GHR: variants seen among roughly 807,000 people sequenced by gnomAD.
The protein encoded by GHR is GH receptor.
Under a neutral mutation model 67.1 loss-of-function variants are expected in GHR, and 35 were observed. That is an observed-to-expected ratio of 0.52 (90% CI 0.40 to 0.69). GHR has a LOEUF of 0.69. Among genes scored for constraint, GHR ranks in the 30% least tolerant of loss-of-function variants. The pLI is 0.00. For synonymous variants in GHR, 272 were observed against 269.1 expected, an observed-to-expected ratio of 1.01 and a Z score of -0.10; for missense variants, 792 against 764.6, an observed-to-expected ratio of 1.04 and a Z score of -0.42.
chr5:42,603,022 T>G (rs2112640504), intron 2 of GHR, among the ~76,000 whole-genome samples: 1 of 152,318 alleles, frequency 6.6e-6, no homozygotes, highest in South Asian at 2.1e-4. Flanking sequence ...TTGGCATTTC[T>G]TATAAGGCAA....
intron 3 of GHR, among the ~76,000 whole-genome samples, chr5:42,632,336 C>T (rs1753967586): frequency 6.6e-6 from 1 of 152,180 alleles, no homozygotes; most frequent in Non-Finnish European, 1.5e-5. Flanking sequence ...TACTCATGGC[C>T]TGAAGCAATC....
At chr5:42,484,605 T>G (rs559080904) in intron 1 of GHR, among the ~76,000 whole-genome samples, 3 of 152,332 alleles carry the variant, frequency 2.0e-5, no homozygotes, top group African/African-American at 7.2e-5. Flanking sequence ...AGCCCAGAAC[T>G]GTTTTTAAAT....
intron 8 of GHR, among the ~76,000 whole-genome samples, chr5:42,716,221 GT>G (rs1270658823): frequency 8.6e-5 from 13 of 151,938 alleles, no homozygotes; most frequent in African/African-American, 2.9e-4. Flanking sequence ...AAGAACCTGG[GT>G]TTTGATTTGG....
chr5:42,518,587 C>T (rs1210612568), intron 1 of GHR, among the ~76,000 whole-genome samples: 3 of 152,202 alleles, frequency 2.0e-5, no homozygotes, highest in Non-Finnish European at 4.4e-5. Flanking sequence ...ATGACCAAAG[C>T]AGAGTGCCCA....
chr5:42,433,732 A>ATTTTTTTTTTTT (rs35539827), intron 1 of GHR, among the ~76,000 whole-genome samples: 6 of 77,604 alleles, frequency 7.7e-5, no homozygotes, highest in East Asian at 3.6e-4. Flanking sequence ...AAGATATGGT[A>ATTTTTTTTTTTT]TTTTTTTTTT....
intron 3 of GHR, among the ~76,000 whole-genome samples, chr5:42,660,210 C>T (rs1755510204): frequency 6.6e-6 from 1 of 152,186 alleles, no homozygotes. Flanking sequence ...ACAGCAGTAA[C>T]CTCTGCAGAC....
At chr5:42,565,345 T>C (rs1484915979) in intron 1 of GHR, 5 of 487,370 alleles carry the variant, frequency 1.0e-5, no homozygotes, top group Non-Finnish European at 1.3e-5. Context: ...TAGTTAAACC[T>C]CTTTAGGATG....
At chr5:42,438,929 G>A (rs1743450537) in intron 1 of GHR, among the ~76,000 whole-genome samples, 1 of 152,186 alleles carries the variant, frequency 6.6e-6, no homozygotes, top group Admixed American at 6.5e-5. Context: ...CCAAGTGTTT[G>A]ATTAATTTGT....
chr5:42,468,078 C>T, intron 1 of GHR: 1 of 994,778 alleles, frequency 1.0e-6, no homozygotes, highest in Non-Finnish European at 1.5e-6. Context: ...TTTTCAGCTT[C>T]CTCACGTATC....
intron 1 of GHR, among the ~76,000 whole-genome samples, chr5:42,477,806 G>A (rs1745409779): frequency 1.3e-5 from 2 of 152,036 alleles, no homozygotes; most frequent in Non-Finnish European, 2.9e-5. Context: ...TGAGTACATT[G>A]CAAAAATTTT....
intron 6 of GHR, among the ~76,000 whole-genome samples, chr5:42,705,049 T>C (rs1268082029): frequency 1.3e-5 from 2 of 152,154 alleles, no homozygotes; most frequent in African/African-American, 4.8e-5. Flanking sequence ...GTAGGATTTA[T>C]CCCAGGGATG....
chr5:42,577,457 C>T (rs7736209), intron 2 of GHR, among the ~76,000 whole-genome samples: 49,584 of 151,828 alleles, frequency 0.33, 10,046 homozygotes, highest in African/African-American at 0.56. Context: ...TTCAGTTATG[C>T]GAAACGAAAG....
chr5:42,588,272 C>T (rs575718205), intron 2 of GHR, among the ~76,000 whole-genome samples: 33 of 152,058 alleles, frequency 2.2e-4, no homozygotes, highest in African/African-American at 3.9e-4. Context: ...GTAATCCCAG[C>T]GCTTTAGGAG....
chr5:42,583,468 T>C (rs145786967), intron 2 of GHR, among the ~76,000 whole-genome samples: 2,250 of 152,328 alleles, frequency 0.015, 22 homozygotes, highest in Middle Eastern at 0.037. Flanking sequence ...GTGGAAGTGC[T>C]GACAAGCAGC....
intron 2 of GHR, among the ~76,000 whole-genome samples, chr5:42,614,380 A>C (rs1013032104): frequency 2.6e-5 from 4 of 151,812 alleles, no homozygotes; most frequent in Non-Finnish European, 5.9e-5. Flanking sequence ...CACCTAGAGA[A>C]GTGCTTCTCA....
intron 1 of GHR, among the ~76,000 whole-genome samples, chr5:42,558,048 G>C (rs1227127620): frequency 6.6e-6 from 1 of 152,168 alleles, no homozygotes; most frequent in African/African-American, 2.4e-5. Flanking sequence ...ATTGGCAAAT[G>C]ATACAAATCA....
At chr5:42,590,254 A>G (rs1751704938) in intron 2 of GHR, among the ~76,000 whole-genome samples, 2 of 152,220 alleles carry the variant, frequency 1.3e-5, no homozygotes, top group Admixed American at 6.5e-5. Context: ...GACAACTTCT[A>G]CTTTCAAATG....
At chr5:42,440,735 A>G (rs1743529111) in intron 1 of GHR, among the ~76,000 whole-genome samples, 1 of 152,206 alleles carries the variant, frequency 6.6e-6, no homozygotes, top group African/African-American at 2.4e-5. Flanking sequence ...AGGTATTGGT[A>G]GCTTGGACCA....
In GHR at chr5:42,452,166, T is replaced by C. The variant is rs559157242; in HGVS notation, c.-12+28211T>C. 8.5e-5 allele frequency among the ~76,000 whole-genome samples: 13 copies of C among 152,334 alleles called. No homozygotes were observed. In the South Asian group the frequency reaches 2.7e-3, roughly 32 times the overall value. ...TCTCTCCTTCATATCTGAAGCTTAG[T>C]TTTGCTGGATGCAAAATTTTTGACT... On this transcript the variant is annotated intron_variant, in intron 1 of 9. Coordinates refer to ENST00000230882, the MANE Select transcript of GHR (RefSeq NM_000163.5).
Sources: allele counts gnomAD v4.1 joint callset (sites outside exome capture counted in the v4.1 genomes callset), GRCh38; gene constraint gnomAD v4.1.1; transcripts MANE v1.5; gene names NCBI Gene and HGNC (gene_info 2026-07-23, HGNC 2026-07-21).